Variants in RIC3 observed in about 807,000 individuals in gnomAD.
The protein encoded by RIC3 is RIC3 acetylcholine receptor chaperone, also known as protein RIC-3.
RIC3 carries 28 observed loss-of-function variants against 27.3 expected under a neutral mutation model. The observed-to-expected ratio is 1.02, with a 90% confidence interval of 0.76 to 1.41. The LOEUF is 1.41. Among genes scored for constraint, RIC3 ranks in the 40% most tolerant of loss-of-function variants. RIC3 has a pLI of 0.00. For missense variants in RIC3, 501 were observed against 444.7 expected, an observed-to-expected ratio of 1.13 and a Z score of -1.14; for synonymous variants, 184 against 160.4, an observed-to-expected ratio of 1.15 and a Z score of -1.11.
chr11:8,128,806 G>A (rs949298945), intron 4 of RIC3, among the ~76,000 whole-genome samples: 3 of 143,958 alleles, frequency 2.1e-5, no homozygotes, highest in Non-Finnish European at 4.5e-5. Context: ...CCAGGCTGGA[G>A]TGCAGTGGCG....
At position 8,114,083 on chromosome 11, in the gene RIC3, C is replaced by T. The variant is rs77013680; in HGVS notation, c.671-2946G>A. Among the ~76,000 whole-genome samples the T allele has an allele frequency of 4.8e-3, 724 of 152,312 alleles. 9 individuals are homozygous for T. Among genetic ancestry groups the T allele is most frequent in the African/African-American group, 0.017 (687 of 41,568 alleles). ...CCACCCTGCCTAAGGACTCTACCAGCAAGTCTACCTGCAGATCACACCAAA... is the reference window on the plus strand; with the variant it reads ...CCACCCTGCCTAAGGACTCTACCAGTAAGTCTACCTGCAGATCACACCAAA... On this transcript the variant is annotated intron_variant, in intron 5 of 5. Transcript: ENST00000309737.
chr11:8,149,920 GA>G (rs1025546406), intron 1 of RIC3, among the ~76,000 whole-genome samples: 6 of 152,140 alleles, frequency 3.9e-5, no homozygotes, highest in Non-Finnish European at 8.8e-5. Flanking sequence ...ACCAACCACA[GA>G]ATGGTTCTGG....
the RIC3 span, chr11:8,097,818 G>A: frequency 9.9e-6 from 16 of 1,613,156 alleles, no homozygotes; most frequent in Admixed American, 2.5e-4. Context: ...GCTATATCGG[G>A]AAACTGCGGT....
chr11:8,140,034 A>G lies in RIC3; in HGVS notation c.284T>C (p.Leu95Pro). The change falls in exon 2 of 6, where the codon CTG (leucine) becomes CCG (proline). Residue 95 changes from leucine to proline, a missense_variant. Physicochemically the swap from Leu to Pro is moderately conservative, Grantham distance 98. Coordinates refer to ENST00000309737, the MANE Select transcript of RIC3 (RefSeq NM_001206671.4). ...GAGGGGSGRG[L>P]MGQIIPIYGF... Reference sequence around the variant, plus strand: ...GTAGATTGGAATAATCTGCCCCATCAGACCTCTTCCACTACCTCCTCCTCC... The same window carrying G: ...GTAGATTGGAATAATCTGCCCCATCGGACCTCTTCCACTACCTCCTCCTCC... The G allele has an allele frequency of 6.2e-7, 1 of 1,614,134 alleles. No homozygotes were observed. Among genetic ancestry groups the G allele is most frequent in the Non-Finnish European group, 8.5e-7 (1 of 1,180,026 alleles).
At chr11:8,101,829 TGAAGG>T, downstream of RIC3, 23 of 720,814 alleles carry the variant, frequency 3.2e-5, no homozygotes, top group African/African-American at 5.4e-5. Context: ...TGGGTGGGTG[TGAAGG>T]GATGAGAATA....
chr11:8,111,358 A>G (rs1441529777), intron 5 of RIC3, among the ~76,000 whole-genome samples: 2 of 152,306 alleles, frequency 1.3e-5, no homozygotes, highest in East Asian at 3.9e-4. Flanking sequence ...ATTCAGATGA[A>G]AATCCCTTCT....
At position 8,121,138 on chromosome 11, in the gene RIC3, G is replaced by C. The variant is rs188556901; in HGVS notation, c.670+5521C>G. Among the ~76,000 whole-genome samples the C allele has an allele frequency of 2.9e-4, 44 of 152,212 alleles. 1 individual carries two copies. The highest frequency in any genetic ancestry group is 1.0e-3 in the African/African-American group (43 of 41,530). ...TGTGGCCTAGGAATTTAATGCTGCC[G>C]TTAAGAAATGACACTTAAAACAGAA... On this transcript the variant is annotated intron_variant, in intron 5 of 5. Coordinates refer to ENST00000309737, the MANE Select transcript of RIC3 (RefSeq NM_001206671.4).
intron 1 of RIC3, among the ~76,000 whole-genome samples, chr11:8,165,713 C>CAA (rs33913120): frequency 0.09 from 12,081 of 134,686 alleles, 613 homozygotes; most frequent in Admixed American, 0.14. Context: ...AAGCTGTTAT[C>CAA]AAAAAAAAAA....
chr11:8,151,586 A>AAAAAAAAAAAG, intron 1 of RIC3, among the ~76,000 whole-genome samples: 1 of 79,184 alleles, frequency 1.3e-5, no homozygotes, highest in Non-Finnish European at 2.4e-5. Flanking sequence ...ACTCCGTCTC[A>AAAAAAAAAAAG]AAAAAAAAAA....
chr11:8,097,549 C>T, the RIC3 span: 2 of 1,397,068 alleles, frequency 1.4e-6, no homozygotes, highest in Non-Finnish European at 2.0e-6. Flanking sequence ...AAACTGCCTT[C>T]GTGTCTGGTC....
chr11:8,104,715 T>C (rs147917470), downstream of RIC3: 3 of 152,288 alleles, frequency 2.0e-5, no homozygotes, highest in African/African-American at 7.2e-5. Context: ...AAAACTGGTA[T>C]GTTGCACGTA....
At chr11:8,151,833 T>C (rs1004867917) in intron 1 of RIC3, among the ~76,000 whole-genome samples, 7 of 149,816 alleles carry the variant, frequency 4.7e-5, no homozygotes, top group Non-Finnish European at 7.4e-5. Context: ...GGAGAATCGC[T>C]TGAACCCAGG....
intron 1 of RIC3, among the ~76,000 whole-genome samples, chr11:8,151,781 T>C: frequency 6.6e-6 from 1 of 151,222 alleles, no homozygotes; most frequent in African/African-American, 2.4e-5. Flanking sequence ...ATGGGCGTGG[T>C]GGTGCATGCC....
intron 2 of RIC3, chr11:8,138,550 T>C (rs1026863975): frequency 1.9e-6 from 1 of 514,556 alleles, no homozygotes; most frequent in African/African-American, 2.0e-5. Flanking sequence ...AGCACAAGTG[T>C]AAAAAGTAAA....
intron 1 of RIC3, among the ~76,000 whole-genome samples, chr11:8,142,356 T>C (rs1199232086): frequency 6.6e-6 from 1 of 150,858 alleles, no homozygotes; most frequent in Non-Finnish European, 1.5e-5. Context: ...TCACCACCTA[T>C]CCCACAGAAA....
chr11:8,138,307 T>G lies in RIC3; in HGVS notation c.392A>C (p.Tyr131Ser). Residue 131 changes from tyrosine to serine, a missense_variant, in exon 3 of 6, where the codon TAT (tyrosine) becomes TCT (serine). Transcript: ENST00000309737. ...GKTTAEDGKC[Y>S]TAMPGNTHRK... The stretch of plus-strand genomic sequence containing the variant: ...GTGGGTGTTTCCAGGCATGGCAGTA[T>G]AGCATTTCCCATCCTCTGCAGTTGT... 6.2e-7 allele frequency: 1 copy of G among 1,613,650 alleles called. No individual in the cohort carries two copies. The highest frequency in any genetic ancestry group is 1.1e-5 in the South Asian group (1 of 91,066).
chr11:8,138,392 C>T, intron 2 of RIC3, 45 bp from the exon 3 acceptor site: 2 of 1,291,588 alleles, frequency 1.5e-6, no homozygotes, highest in Admixed American at 1.8e-5. Flanking sequence ...AGCTCAGAAC[C>T]TCAGTCACGG....
At chr11:8,126,507 T>TAATA (rs2133621769) in intron 5 of RIC3, 152 bp downstream of exon 5, 2 of 869,692 alleles carry the variant, frequency 2.3e-6, no homozygotes, top group Middle Eastern at 5.1e-4. Flanking sequence ...AAACTCTATA[T>TAATA]ATTTGTCAAA....
chr11:8,139,725 T>A, intron 2 of RIC3: 2 of 436,772 alleles, frequency 4.6e-6, no homozygotes, highest in Non-Finnish European at 8.0e-6. Context: ...CATGTTCAAG[T>A]CCTAGTTCTG....
Sources: gnomAD v4.1 joint callset for allele counts (sites outside exome capture counted in the v4.1 genomes callset) on GRCh38, gnomAD v4.1.1 for gene constraint, MANE v1.5 for transcripts, NCBI Gene and HGNC (gene_info 2026-07-23, HGNC 2026-07-21) for gene names.